The following NEK7 variants were observed in gnomAD, a reference collection of about 807,000 sequenced individuals.
The protein encoded by NEK7 is serine/threonine-protein kinase Nek7.
Under a neutral mutation model 44.6 loss-of-function variants are expected in NEK7, and 18 were observed. The observed-to-expected ratio is 0.40, with a 90% confidence interval of 0.28 to 0.60. The LOEUF (loss-of-function observed/expected upper bound fraction) is 0.60. NEK7 is among the 20% of genes least tolerant of loss of function. The pLI is 0.38. For missense variants in NEK7, 256 were observed against 366.5 expected (o/e 0.70, Z 2.46); for synonymous variants, 130 against 121.1 (o/e 1.07, Z -0.48).
At chr1:198,230,572 C>T (rs920417820) in intron 1 of NEK7, among the ~76,000 whole-genome samples, 3 of 151,888 alleles carry the variant, frequency 2.0e-5, no homozygotes, top group Admixed American at 1.3e-4. Flanking sequence ...TAACATAATA[C>T]TTATTGGTGA....
chr1:198,284,059 AG>A (rs1013533077), intron 7 of NEK7, among the ~76,000 whole-genome samples: 1 of 152,130 alleles, frequency 6.6e-6, no homozygotes, highest in African/African-American at 2.4e-5. Context: ...GTGCTTCTGG[AG>A]GGGTATAATA....
intron 1 of NEK7, among the ~76,000 whole-genome samples, chr1:198,195,011 CT>C (rs1388988003): frequency 1.3e-5 from 2 of 151,944 alleles, no homozygotes; most frequent in African/African-American, 4.8e-5. Flanking sequence ...AGCCTTTTGA[CT>C]TTTTAATAGT....
intron 1 of NEK7, among the ~76,000 whole-genome samples, chr1:198,187,784 C>T (rs914867474): frequency 6.6e-6 from 1 of 152,088 alleles, no homozygotes. Context: ...AAGTCTTTCC[C>T]GTGGGTAGAA....
chr1:198,230,003 TA>T (rs1241203406), intron 1 of NEK7, among the ~76,000 whole-genome samples: 2 of 152,178 alleles, frequency 1.3e-5, no homozygotes, highest in African/African-American at 4.8e-5. Context: ...TGGGATATTT[TA>T]AAATGTCACA....
At chr1:198,232,426 T>G in intron 1 of NEK7, 127 bp from the exon 2 acceptor site, 1 of 552,778 alleles carries the variant, frequency 1.8e-6, no homozygotes, top group South Asian at 2.2e-5. Context: ...AAGAGTGTGG[T>G]ATATCTCAGT....
At chr1:198,167,796 C>T (rs1263148653) in intron 1 of NEK7, among the ~76,000 whole-genome samples, 2 of 152,122 alleles carry the variant, frequency 1.3e-5, no homozygotes, top group Non-Finnish European at 2.9e-5. Context: ...GCATGTCTGG[C>T]CACGCTGGAA....
At chr1:198,249,174 A>T (rs2102912322) in intron 2 of NEK7, among the ~76,000 whole-genome samples, 1 of 151,748 alleles carries the variant, frequency 6.6e-6, no homozygotes. Flanking sequence ...GTTTACTGAG[A>T]ATGATGATTT....
At chr1:198,264,612 T>TG (rs200029858) in intron 5 of NEK7, among the ~76,000 whole-genome samples, 7 of 69,304 alleles carry the variant, frequency 1.0e-4, no homozygotes, top group Middle Eastern at 5.6e-3. Context: ...ACCTGTTTCT[T>TG]GGGGGGGAAT....
chr1:198,300,743 G>A (rs556039497), intron 9 of NEK7, among the ~76,000 whole-genome samples: 2 of 152,296 alleles, frequency 1.3e-5, no homozygotes, highest in Admixed American at 6.5e-5. Flanking sequence ...GAGGGAATGT[G>A]GCAGGAATCT....
intron 1 of NEK7, among the ~76,000 whole-genome samples, chr1:198,192,276 T>A (rs1195628703): frequency 6.6e-6 from 1 of 151,824 alleles, no homozygotes; most frequent in African/African-American, 2.4e-5. Context: ...ATTTTTGCTT[T>A]CTCCCTTTTT....
intron 1 of NEK7, among the ~76,000 whole-genome samples, chr1:198,212,418 C>T (rs1380140280): frequency 2.6e-5 from 4 of 152,190 alleles, no homozygotes; most frequent in East Asian, 1.9e-4. Flanking sequence ...TGCCTTGCCA[C>T]GTACCTGGGA....
At chr1:198,282,233 A>T (rs1245449600) in intron 7 of NEK7, among the ~76,000 whole-genome samples, 1 of 152,028 alleles carries the variant, frequency 6.6e-6, no homozygotes, top group East Asian at 1.9e-4. Context: ...TTTCCACTAG[A>T]GTTATCTTCC....
At chr1:198,188,055 A>C (rs16842546) in intron 1 of NEK7, among the ~76,000 whole-genome samples, 15 of 151,988 alleles carry the variant, frequency 9.9e-5, no homozygotes, top group Non-Finnish European at 1.9e-4. Flanking sequence ...TCTGGTGCCA[A>C]TTTTTTGGGT....
At chr1:198,315,157 G>A (rs964354287) in intron 9 of NEK7, among the ~76,000 whole-genome samples, 19 of 152,166 alleles carry the variant, frequency 1.2e-4, no homozygotes, top group Admixed American at 9.8e-4. Flanking sequence ...TTTTAAGCCC[G>A]TCGGAAAAGC....
intron 9 of NEK7, among the ~76,000 whole-genome samples, chr1:198,314,387 C>T (rs549166527): frequency 8.3e-4 from 127 of 152,226 alleles, no homozygotes; most frequent in Non-Finnish European, 1.5e-3. Context: ...AATGTCCTCC[C>T]GTAGCTCGGA....
chr1:198,264,066 A>G (rs1653568896), intron 4 of NEK7, 59 bp from the exon 5 acceptor site: 7 of 1,510,834 alleles, frequency 4.6e-6, no homozygotes, highest in Admixed American at 2.4e-5. Flanking sequence ...ACAAAACTAT[A>G]AGTGACTCTT....
chr1:198,290,174 A>G (rs557012505), intron 7 of NEK7, among the ~76,000 whole-genome samples: 1 of 152,344 alleles, frequency 6.6e-6, no homozygotes, highest in Admixed American at 6.5e-5. Context: ...TTGAAAGATA[A>G]GTGGAATTAC....
intron 1 of NEK7, among the ~76,000 whole-genome samples, chr1:198,186,854 C>A (rs977900600): frequency 6.6e-6 from 1 of 152,150 alleles, no homozygotes; most frequent in African/African-American, 2.4e-5. Context: ...AGTAAAGTCC[C>A]AGACAGTACT....
chr1:198,258,875 CAT>C (rs1653361990), intron 3 of NEK7, among the ~76,000 whole-genome samples: 1 of 152,184 alleles, frequency 6.6e-6, no homozygotes, highest in Non-Finnish European at 1.5e-5. Flanking sequence ...TCACCCAAGA[CAT>C]ACTGCTTTTT....
Sources: allele counts gnomAD v4.1 joint callset (sites outside exome capture counted in the v4.1 genomes callset), GRCh38; gene constraint gnomAD v4.1.1; transcripts MANE v1.5; gene names NCBI Gene and HGNC (gene_info 2026-07-23, HGNC 2026-07-21).